The following RUSF1 variants were observed in gnomAD, a reference collection of about 807,000 sequenced individuals.
RUSF1 encodes RUS1 family protein C16orf58.
Under a neutral mutation model 63.0 loss-of-function variants are expected in RUSF1, and 58 were observed. The observed-to-expected ratio is 0.92, with a 90% CI of 0.75 to 1.15. The LOEUF (loss-of-function observed/expected upper bound fraction) is 1.15, where lower values mean the gene tolerates loss of function less well. Among genes scored for constraint, RUSF1 ranks in the 50% most tolerant of loss-of-function variants. The probability of loss-of-function intolerance (pLI) is 0.00; values close to 1 mark genes in which losing one functional copy is unlikely to be tolerated. For synonymous variants in RUSF1, 274 were observed against 255.8 expected (o/e 1.07, Z -0.68); for missense variants, 652 against 611.0 (o/e 1.07, Z -0.71).
chr16:31,507,743 G>A (rs781778823), intron 2 of RUSF1, 21 bp downstream of exon 2: 44 of 1,552,102 alleles, frequency 2.8e-5, no homozygotes, highest in Middle Eastern at 1.7e-4. Context: ...CAATACGTGA[G>A]GCTCCAGGGG....
At chr16:31,507,682 G>T in intron 2 of RUSF1, 82 bp downstream of exon 2, 1 of 1,292,344 alleles carries the variant, frequency 7.7e-7, no homozygotes, top group Non-Finnish European at 1.1e-6. Flanking sequence ...TGGGGCACGA[G>T]TCCATACATA....
intron 5 of RUSF1, 155 bp downstream of exon 5, chr16:31,499,147 T>C (rs2082619076): frequency 2.8e-6 from 2 of 702,868 alleles, no homozygotes; most frequent in East Asian, 5.4e-5. Context: ...GCTGTCTGGC[T>C]GGAGGAGGGT....
At chr16:31,495,925 T>C (rs1567396205) in intron 6 of RUSF1, among the ~76,000 whole-genome samples, 1 of 152,164 alleles carries the variant, frequency 6.6e-6, no homozygotes, top group African/African-American at 2.4e-5. Context: ...AGCCAAACAA[T>C]GGAAGAGAAG....
Position 31,490,483 on chromosome 16 carries a change from A to G in RUSF1, c.*352T>C. ...AGCTGGGCCCGTGTGGTCAACCTCAATGCCCTGCTCATGATGGCAGTGGCC... is the reference window on the plus strand; with the variant it reads ...AGCTGGGCCCGTGTGGTCAACCTCAGTGCCCTGCTCATGATGGCAGTGGCC... On this transcript the variant is annotated 3_prime_UTR_variant, in exon 13 of 13. Coordinates refer to ENST00000327237, the MANE Select transcript of RUSF1 (RefSeq NM_022744.4). 2 of 1,614,012 alleles carry G rather than the reference A, an allele frequency of 1.2e-6. No individual in the cohort carries two copies.
intron 10 of RUSF1, 37 bp downstream of exon 10, chr16:31,492,941 G>C: frequency 1.3e-6 from 2 of 1,574,312 alleles, no homozygotes; most frequent in South Asian, 2.3e-5. Context: ...TGACCTGGGA[G>C]GGTGCGTCTT....
intron 9 of RUSF1, 102 bp downstream of exon 9, chr16:31,493,365 C>T (rs1039893139): frequency 1.4e-6 from 2 of 1,427,442 alleles, no homozygotes; most frequent in Admixed American, 2.0e-5. Flanking sequence ...ATGAAGAACC[C>T]AGGACAGAGA....
intron 10 of RUSF1, 139 bp downstream of exon 10, chr16:31,492,839 A>G (rs1033489255): frequency 6.9e-6 from 5 of 728,814 alleles, no homozygotes; most frequent in Non-Finnish European, 1.1e-5. Flanking sequence ...GGGGCATTGC[A>G]GCTGTAATTT....
At chr16:31,504,036 C>T (rs1439149591) in intron 2 of RUSF1, among the ~76,000 whole-genome samples, 1 of 151,806 alleles carries the variant, frequency 6.6e-6, no homozygotes, top group Non-Finnish European at 1.5e-5. Flanking sequence ...CCAGGCTGGA[C>T]TACAGGTGCC....
At chr16:31,500,210 A>T (rs924222485) in intron 3 of RUSF1, among the ~76,000 whole-genome samples, 5 of 152,132 alleles carry the variant, frequency 3.3e-5, no homozygotes, top group African/African-American at 1.2e-4. Flanking sequence ...GAGTCTCAGT[A>T]TGAGATCTCC....
chr16:31,489,480 G>C lies in RUSF1; in HGVS notation c.*1355C>G. ...GGGTCCAGCTGCAGTTGCAATTGCCGAGCAAGAATTTTTATTTAAATACAT... is the reference window on the plus strand; with the variant it reads ...GGGTCCAGCTGCAGTTGCAATTGCCCAGCAAGAATTTTTATTTAAATACAT... On this transcript the variant is annotated 3_prime_UTR_variant, in exon 13 of 13. Coordinates refer to ENST00000327237, the MANE Select transcript of RUSF1 (RefSeq NM_022744.4). 2.7e-6 allele frequency: 2 copies of C among 738,250 alleles called. No homozygotes were observed. The highest frequency in any genetic ancestry group is 3.1e-5 in the South Asian group (2 of 63,794). 45.7% of individuals were successfully genotyped at this position (738,250 alleles called of 1,614,324 possible).
Position 31,490,716 on chromosome 16 carries a change from T to A in RUSF1, c.*119A>T, listed in dbSNP as rs1024540883. ...TTGGCAGTCACTTCCCATGAGGGCCTGGCCCACCCGCTGCAGTTGCCCTAA... is the reference window on the plus strand; with the variant it reads ...TTGGCAGTCACTTCCCATGAGGGCCAGGCCCACCCGCTGCAGTTGCCCTAA... On this transcript the variant is annotated 3_prime_UTR_variant, in exon 13 of 13. Coordinates refer to ENST00000327237, the MANE Select transcript of RUSF1 (RefSeq NM_022744.4). 845 of 1,246,254 alleles carry A rather than the reference T, an allele frequency of 6.8e-4. 7 individuals carry two copies. In the African/African-American group the frequency reaches 0.012, roughly 17 times the overall value. The allele number at this position is 1,246,254 out of a possible 1,614,324, so 77.2% of individuals were successfully genotyped here.
chr16:31,499,526 C>A lies in RUSF1; in HGVS notation c.462-1G>T. ...CTTGGCATTGCAGTCCAGTTTGCTC[C>A]TGTTGGGGAGGAGAGGTTGTTGTAA... On this transcript the variant is annotated splice_acceptor_variant, in intron 3 of 12. Transcript: ENST00000327237. LOFTEE classifies it high-confidence loss of function. 1 of 1,603,126 alleles carries A rather than the reference C, an allele frequency of 6.2e-7. No individual in the cohort carries two copies.
chr16:31,495,821 C>T (rs1253548586), intron 6 of RUSF1, among the ~76,000 whole-genome samples: 4 of 152,196 alleles, frequency 2.6e-5, no homozygotes, highest in Non-Finnish European at 5.9e-5. Flanking sequence ...ATTTACTGCA[C>T]ATGCCCACTG....
chr16:31,502,275 G>C (rs1380607705), intron 2 of RUSF1, among the ~76,000 whole-genome samples: 5 of 152,134 alleles, frequency 3.3e-5, no homozygotes, highest in African/African-American at 9.7e-5. Flanking sequence ...AATGACACGG[G>C]CCAGCCCTCC....
chr16:31,507,150 T>C (rs2082663649), intron 2 of RUSF1, among the ~76,000 whole-genome samples: 1 of 152,256 alleles, frequency 6.6e-6, no homozygotes, highest in Non-Finnish European at 1.5e-5. Context: ...CAAAGGACAG[T>C]GGCAAAAGCC....
rs547044436 is a variant in RUSF1 at position 31,489,516 on chromosome 16, C to T, written c.*1319G>A. 54 of 660,108 alleles carry T rather than the reference C, an allele frequency of 8.2e-5. 1 individual carries two copies. In the South Asian group the frequency reaches 8.5e-4, roughly 10 times the overall value. The allele number at this position is 660,108 out of a possible 1,614,324, so 40.9% of individuals were successfully genotyped here. ...TTTATTTAAATACATTTATTTGAACCGGCCTGGGGGAGGCTTGATGTTGAT... is the reference window on the plus strand; with the variant it reads ...TTTATTTAAATACATTTATTTGAACTGGCCTGGGGGAGGCTTGATGTTGAT... On this transcript the variant is annotated 3_prime_UTR_variant, in exon 13 of 13. Coordinates refer to ENST00000327237, the MANE Select transcript of RUSF1 (RefSeq NM_022744.4).
chr16:31,499,259 A>G (rs2082619890), intron 5 of RUSF1, 43 bp downstream of exon 5: 2 of 1,524,580 alleles, frequency 1.3e-6, no homozygotes, highest in Admixed American at 1.7e-5. Flanking sequence ...CACACTACCA[A>G]GGCAGGTGTT....
chr16:31,492,209 G>C lies in RUSF1; in HGVS notation c.1219C>G (p.Arg407Gly). The change falls in exon 11 of 13, where the codon CGG (arginine) becomes GGG (glycine). Residue 407 changes from arginine (R) to glycine (G), a missense_variant. Coordinates refer to ENST00000327237, the MANE Select transcript of RUSF1 (RefSeq NM_022744.4). ...LPAELEELRN[R>G]VRAGPKKESW... Reference sequence around the variant, plus strand: ...TTGAGGCACTTACCTGCCCGCACCCGGTTCCTCAGCTCCTCCAGCTCTGCT... The same window carrying C: ...TTGAGGCACTTACCTGCCCGCACCCCGTTCCTCAGCTCCTCCAGCTCTGCT... 1 of 1,610,908 alleles carries C rather than the reference G, an allele frequency of 6.2e-7. No individual in the cohort carries two copies. Among genetic ancestry groups the C allele is most frequent in the Non-Finnish European group, 8.5e-7 (1 of 1,178,176 alleles).
chr16:31,507,279 A>C (rs2082664568), intron 2 of RUSF1, among the ~76,000 whole-genome samples: 1 of 152,178 alleles, frequency 6.6e-6, no homozygotes, highest in Non-Finnish European at 1.5e-5. Flanking sequence ...AAAGCTGTAC[A>C]TATTCAGCAG....
Sources: allele counts gnomAD v4.1 joint callset (sites outside exome capture counted in the v4.1 genomes callset), GRCh38; gene constraint gnomAD v4.1.1; transcripts MANE v1.5; gene names NCBI Gene and HGNC (gene_info 2026-07-23, HGNC 2026-07-21).